The following ADAM23 variants were observed in gnomAD, a reference collection of about 807,000 sequenced individuals.
ADAM23 encodes disintegrin and metalloproteinase domain-containing protein 23.
In ADAM23, 33 loss-of-function variants were observed where a neutral mutation model predicts 120.1. The observed-to-expected ratio is 0.27, with a 90% CI of 0.21 to 0.37. ADAM23 has a LOEUF of 0.37. Ranked by LOEUF, ADAM23 falls within the 10% of genes least tolerant of loss-of-function variation. ADAM23 has a pLI of 1.00. For missense variants in ADAM23, 862 were observed against 1,058.2 expected (o/e 0.81, Z 2.57); for synonymous variants, 367 against 375.2 (o/e 0.98, Z 0.25).
chr2:206,537,776 AT>A (rs1017239686), intron 4 of ADAM23, among the ~76,000 whole-genome samples: 2 of 152,078 alleles, frequency 1.3e-5, no homozygotes, highest in African/African-American at 4.8e-5. Flanking sequence ...GTACACTAGA[AT>A]TTTTTCCCTA....
chr2:206,491,976 G>T (rs72935472), intron 3 of ADAM23, among the ~76,000 whole-genome samples: 2,580 of 152,348 alleles, frequency 0.017, 34 homozygotes, highest in African/African-American at 0.025. Context: ...ATTCATGAAT[G>T]ATTCCGAGCA....
At chr2:206,596,871 C>G (rs1260268728) in intron 24 of ADAM23, among the ~76,000 whole-genome samples, 1 of 142,734 alleles carries the variant, frequency 7.0e-6, no homozygotes, top group Non-Finnish European at 1.5e-5. Flanking sequence ...ATCTCAGACT[C>G]TTGTTCTCTT....
intron 24 of ADAM23, 61 bp from the exon 25 acceptor site, chr2:206,609,849 C>G (rs1030690791): frequency 7.7e-5 from 108 of 1,406,934 alleles, no homozygotes; most frequent in Non-Finnish European, 1.0e-4. Flanking sequence ...AACTGCCTTT[C>G]CCTTGTGGTA....
Position 206,617,589 on chromosome 2 carries a change from A to C in ADAM23, c.2461A>C (p.Lys821Gln). Residue 821 changes from lysine (K) to glutamine (Q), a missense_variant, in exon 26 of 26, where the codon AAG (lysine) becomes CAG (glutamine). Lys to Gln is a moderately conservative substitution (Grantham distance 53). Coordinates refer to ENST00000264377, the MANE Select transcript of ADAM23 (RefSeq NM_003812.4). ...GTGWGFKNVK[K>Q]RRFDPTQQGP... ...GACTCACTCTGGAAGAAATGTCAAG[A>C]AGAGAAGGTTCGATCCTACTCAGCA... 1 of 1,608,754 alleles carries C rather than the reference A, an allele frequency of 6.2e-7. No individual in the cohort carries two copies. The highest frequency in any genetic ancestry group is 8.5e-7 in the Non-Finnish European group (1 of 1,177,316).
intron 3 of ADAM23, among the ~76,000 whole-genome samples, chr2:206,494,400 A>G (rs1696196058): frequency 6.6e-6 from 1 of 152,192 alleles, no homozygotes; most frequent in Non-Finnish European, 1.5e-5. Flanking sequence ...GTTTCTTTAT[A>G]TGATTGCTAG....
intron 2 of ADAM23, among the ~76,000 whole-genome samples, chr2:206,464,557 A>G (rs1212790368): frequency 2.0e-5 from 3 of 151,960 alleles, no homozygotes; most frequent in Non-Finnish European, 4.4e-5. Flanking sequence ...CCTGGGTGAC[A>G]GAGTGAGACT....
chr2:206,537,751 C>G (rs890347097), intron 4 of ADAM23, among the ~76,000 whole-genome samples: 1 of 152,054 alleles, frequency 6.6e-6, no homozygotes, highest in African/African-American at 2.4e-5. Flanking sequence ...CTAAAAATGA[C>G]TCTTTTACTT....
chr2:206,535,629 AGAAAT>A (rs1191712994), intron 4 of ADAM23, among the ~76,000 whole-genome samples: 2 of 152,256 alleles, frequency 1.3e-5, no homozygotes, highest in African/African-American at 2.4e-5. Context: ...CAGTCATAAA[AGAAAT>A]GAAGCACTGA....
chr2:206,579,655 G>A (rs936887953), intron 18 of ADAM23, among the ~76,000 whole-genome samples: 6 of 152,190 alleles, frequency 3.9e-5, no homozygotes, highest in Admixed American at 1.3e-4. Context: ...TTTGAAATCA[G>A]GTAATGCAAT....
Position 206,445,646 on chromosome 2 carries a change from A to G in ADAM23, c.432+122A>G, listed in dbSNP as rs558374521. 87 of 803,982 alleles carry G rather than the reference A, an allele frequency of 1.1e-4. 1 individual carries two copies. The African/African-American group carries it at 1.3e-3, about 12-fold the overall frequency. 49.8% of individuals were successfully genotyped at this position (803,982 alleles called of 1,614,324 possible). ...GCATTTTATTAAGAAAGCAATTAATATTATGATAGGGGAGAAACTGGAAGG... is the reference window on the plus strand; with the variant it reads ...GCATTTTATTAAGAAAGCAATTAATGTTATGATAGGGGAGAAACTGGAAGG... On this transcript the variant is annotated intron_variant, in intron 2 of 25. Coordinates refer to ENST00000264377, the MANE Select transcript of ADAM23 (RefSeq NM_003812.4).
chr2:206,595,201 G>A (rs566206075), intron 23 of ADAM23, among the ~76,000 whole-genome samples: 3 of 152,110 alleles, frequency 2.0e-5, no homozygotes, highest in African/African-American at 7.2e-5. Flanking sequence ...CAACAAAAAA[G>A]GCCAAATTCA....
At chr2:206,552,380 C>T (rs751249566) in intron 9 of ADAM23, among the ~76,000 whole-genome samples, 15 of 152,062 alleles carry the variant, frequency 9.9e-5, no homozygotes, top group Non-Finnish European at 2.1e-4. Flanking sequence ...GAAACAGTTA[C>T]TACTAAGTGT....
chr2:206,602,581 C>T (rs1698659043), intron 24 of ADAM23, among the ~76,000 whole-genome samples: 1 of 151,992 alleles, frequency 6.6e-6, no homozygotes, highest in Non-Finnish European at 1.5e-5. Context: ...TGTGAAGTAT[C>T]AAAAGATACA....
intron 11 of ADAM23, 51 bp from the exon 12 acceptor site, chr2:206,561,077 G>A (rs776323895): frequency 1.3e-6 from 2 of 1,522,114 alleles, no homozygotes; most frequent in Admixed American, 3.3e-5. Flanking sequence ...GGGAGAGTAT[G>A]AAATGATGGT....
intron 2 of ADAM23, among the ~76,000 whole-genome samples, chr2:206,449,752 C>G (rs1695153735): frequency 6.6e-6 from 1 of 152,194 alleles, no homozygotes; most frequent in African/African-American, 2.4e-5. Flanking sequence ...CAGAATGAGA[C>G]TCTGTCTCAA....
chr2:206,498,645 A>T (rs1696312491), intron 3 of ADAM23, among the ~76,000 whole-genome samples: 2 of 152,236 alleles, frequency 1.3e-5, no homozygotes, highest in Non-Finnish European at 2.9e-5. Context: ...GCCAAAATTG[A>T]CAAATGGGAT....
chr2:206,476,747 T>C (rs969889732), intron 2 of ADAM23, among the ~76,000 whole-genome samples: 6 of 152,192 alleles, frequency 3.9e-5, no homozygotes, highest in Non-Finnish European at 7.3e-5. Context: ...TGATGATCCA[T>C]AGTGTAGGCA....
At chr2:206,531,637 AG>A (rs1697064801) in intron 4 of ADAM23, among the ~76,000 whole-genome samples, 1 of 152,224 alleles carries the variant, frequency 6.6e-6, no homozygotes, top group South Asian at 2.1e-4. Flanking sequence ...TCCGTCAGTC[AG>A]GGTGAAGATC....
At chr2:206,548,200 C>A (rs1253283049) in intron 7 of ADAM23, 81 bp from the exon 8 acceptor site, 7 of 1,309,696 alleles carry the variant, frequency 5.3e-6, no homozygotes, top group Non-Finnish European at 7.6e-6. Flanking sequence ...ATCAGTGCCA[C>A]TGTTTCTTCA....
Sources: gnomAD v4.1 joint callset for allele counts (sites outside exome capture counted in the v4.1 genomes callset) on GRCh38, gnomAD v4.1.1 for gene constraint, MANE v1.5 for transcripts, NCBI Gene and HGNC (gene_info 2026-07-23, HGNC 2026-07-21) for gene names.